TRHDE: variants seen among roughly 807,000 people sequenced by gnomAD.
TRHDE encodes the protein thyrotropin releasing hormone degrading enzyme, also known as thyrotropin-releasing hormone-degrading ectoenzyme.
Under a neutral mutation model 125.7 loss-of-function variants are expected in TRHDE, and 72 were observed. The ratio of observed to expected loss-of-function variants is 0.57; its 90% CI spans 0.47 to 0.70. The LOEUF (loss-of-function observed/expected upper bound fraction) is 0.70. Among genes scored for constraint, TRHDE ranks in the 30% least tolerant of loss-of-function variants. TRHDE has a pLI of 0.00. For synonymous variants in TRHDE, 509 were observed against 509.1 expected (o/e 1.00, Z 0.00); for missense variants, 1,110 against 1,327.1 (o/e 0.84, Z 2.54).
upstream of TRHDE, chr12:72,271,895 A>C (rs1481898436): frequency 2.2e-6 from 1 of 456,434 alleles, no homozygotes; most frequent in Non-Finnish European, 4.4e-6. Context: ...GACTGGAATG[A>C]GGGAGTCTCG....
chr12:72,592,798 C>T (rs1439296874), intron 12 of TRHDE, among the ~76,000 whole-genome samples: 2 of 151,856 alleles, frequency 1.3e-5, no homozygotes, highest in Non-Finnish European at 2.9e-5. Flanking sequence ...GCAACCTCCA[C>T]CTCCCGGGTT....
intron 5 of TRHDE, among the ~76,000 whole-genome samples, chr12:72,492,891 C>G (rs1333563287): frequency 6.6e-6 from 1 of 151,854 alleles, no homozygotes; most frequent in Non-Finnish European, 1.5e-5. Flanking sequence ...AGCATTTTAA[C>G]TCATAACATT....
intron 5 of TRHDE, among the ~76,000 whole-genome samples, chr12:72,478,774 A>T (rs1052307604): frequency 6.6e-6 from 1 of 152,082 alleles, no homozygotes. Flanking sequence ...AGGAATCCTA[A>T]TGTGCATATG....
At chr12:72,367,045 T>C (rs1412536453) in intron 2 of TRHDE, among the ~76,000 whole-genome samples, 3 of 152,084 alleles carry the variant, frequency 2.0e-5, no homozygotes, top group African/African-American at 7.2e-5. Context: ...GAGGTAGTTG[T>C]GGTTTTCATA....
intron 5 of TRHDE, among the ~76,000 whole-genome samples, chr12:72,480,788 T>C (rs2135912708): frequency 6.6e-6 from 1 of 152,226 alleles, no homozygotes. Context: ...TATTCCAGTT[T>C]GCTAAAAAAC....
chr12:72,503,508 A>G (rs1003660922), intron 6 of TRHDE, among the ~76,000 whole-genome samples: 7 of 152,208 alleles, frequency 4.6e-5, no homozygotes, highest in Non-Finnish European at 8.8e-5. Flanking sequence ...GCAGTAACAT[A>G]TGAGTGTTAT....
intron 2 of TRHDE, among the ~76,000 whole-genome samples, chr12:72,143,255 T>G (rs1188527146): frequency 6.6e-6 from 1 of 152,124 alleles, no homozygotes; most frequent in Non-Finnish European, 1.5e-5. Context: ...CACATCCCTG[T>G]CACACATCTT....
intron 2 of TRHDE, among the ~76,000 whole-genome samples, chr12:72,229,474 G>C (rs1167714609): frequency 6.6e-6 from 1 of 152,182 alleles, no homozygotes; most frequent in East Asian, 1.9e-4. Context: ...TCCAAGATGA[G>C]ATTTGGGTGA....
At chr12:72,584,270 T>C (rs905537124) in intron 12 of TRHDE, among the ~76,000 whole-genome samples, 3 of 152,182 alleles carry the variant, frequency 2.0e-5, no homozygotes, top group Admixed American at 6.5e-5. Flanking sequence ...TGGTCCATTT[T>C]ATTTTTTTTC....
intron 2 of TRHDE, among the ~76,000 whole-genome samples, chr12:72,326,659 G>T (rs1489973134): frequency 6.6e-6 from 1 of 152,264 alleles, no homozygotes; most frequent in Non-Finnish European, 1.5e-5. Flanking sequence ...GACCAATCCA[G>T]ATTTGTAAAC....
intron 2 of TRHDE, among the ~76,000 whole-genome samples, chr12:72,330,633 G>A (rs1001610232): frequency 8.5e-5 from 13 of 152,208 alleles, no homozygotes; most frequent in African/African-American, 2.9e-4. Flanking sequence ...CTGGCAGTTA[G>A]GCAGCTCTGT....
chr12:72,121,985 C>T (rs1875593462), intron 2 of TRHDE, among the ~76,000 whole-genome samples: 2 of 152,142 alleles, frequency 1.3e-5, no homozygotes, highest in South Asian at 4.2e-4. Context: ...CTGTCTCTAC[C>T]CTCCTTCAGC....
intron 3 of TRHDE, among the ~76,000 whole-genome samples, chr12:72,405,930 A>T (rs942421926): frequency 2.0e-5 from 3 of 152,158 alleles, no homozygotes; most frequent in African/African-American, 7.2e-5. Context: ...TTGCCAACTG[A>T]AACAGCATTA....
chr12:72,109,573 A>G (rs1206311534), intron 2 of TRHDE, among the ~76,000 whole-genome samples: 7 of 152,060 alleles, frequency 4.6e-5, no homozygotes, highest in Admixed American at 4.6e-4. Context: ...CACTTTCTCT[A>G]GTGGTGACAA....
Position 72,401,813 on chromosome 12 carries a change from A to G in TRHDE, c.1315+23692A>G, listed in dbSNP as rs528572444. Among the ~76,000 whole-genome samples the G allele has an allele frequency of 5.9e-5, 9 of 152,322 alleles. No individual in the cohort carries two copies. In the South Asian group the frequency reaches 1.9e-3, roughly 32 times the overall value. ...TGGGTTGGAGAGTGTTTGCCTTTCT[A>G]GATATGAATAGTAAGCTATTAGGTG... On this transcript the variant is annotated intron_variant, in intron 3 of 18. Coordinates refer to ENST00000261180, the MANE Select transcript of TRHDE (RefSeq NM_013381.3).
Position 72,212,861 on chromosome 12 carries a change from C to A in TRHDE, n.279+107109C>A, listed in dbSNP as rs535588403. On this transcript the variant is annotated intron_variant and non_coding_transcript_variant, in intron 2 of 4. Coordinates refer to the TRHDE transcript ENST00000548156. The stretch of plus-strand genomic sequence containing the variant: ...ATACCTGAGAAATGAAAACATGTAT[C>A]CACACAAGAACTTGTACATGAATGC... Among the ~76,000 whole-genome samples the A allele has an allele frequency of 3.1e-4, 47 of 152,020 alleles. 1 individual carries two copies. The highest frequency in any genetic ancestry group is 5.9e-4 in the Non-Finnish European group (40 of 67,966).
intron 2 of TRHDE, among the ~76,000 whole-genome samples, chr12:72,231,128 T>A (rs12582271): frequency 0.28 from 42,426 of 151,552 alleles, 6,351 homozygotes; most frequent in African/African-American, 0.35. Context: ...GTCTTTTGAT[T>A]AAAAAAATTA....
At chr12:72,097,180 A>G (rs760876442) in intron 1 of TRHDE, among the ~76,000 whole-genome samples, 1 of 152,200 alleles carries the variant, frequency 6.6e-6, no homozygotes, top group African/African-American at 2.4e-5. Context: ...ATACTACATC[A>G]TCCTTGTCCA....
intron 7 of TRHDE, 138 bp downstream of exon 7, chr12:72,542,494 G>A: frequency 3.5e-6 from 2 of 571,084 alleles, no homozygotes; most frequent in Non-Finnish European, 2.9e-6. Flanking sequence ...CTTTCTATAT[G>A]ACAAATGAAA....
Sources: allele counts gnomAD v4.1 joint callset (sites outside exome capture counted in the v4.1 genomes callset), GRCh38; gene constraint gnomAD v4.1.1; transcripts MANE v1.5; gene names NCBI Gene and HGNC (gene_info 2026-07-23, HGNC 2026-07-21).